TMOD1: variants seen among roughly 807,000 people sequenced by gnomAD.
TMOD1 encodes tropomodulin 1.
Under a neutral mutation model 40.6 loss-of-function variants are expected in TMOD1, and 17 were observed. That is an observed-to-expected ratio of 0.42 (90% CI 0.29 to 0.63). The LOEUF is 0.63. Among genes scored for constraint, TMOD1 ranks in the 20% least tolerant of loss-of-function variants. The pLI, the probability that TMOD1 is intolerant of heterozygous loss-of-function variation, is 0.22. For missense variants in TMOD1, 391 were observed against 447.6 expected (o/e 0.87, Z 1.14); for synonymous variants, 181 against 175.0 (o/e 1.03, Z -0.27).
chr9:97,523,325 C>T (rs967407062), intron 1 of TMOD1, among the ~76,000 whole-genome samples: 5 of 152,130 alleles, frequency 3.3e-5, no homozygotes, highest in African/African-American at 1.2e-4. Flanking sequence ...AGAGGTGAAC[C>T]CTGGTCCCCA....
At chr9:97,572,453 G>A (rs1046670148) in intron 8 of TMOD1, among the ~76,000 whole-genome samples, 2 of 152,140 alleles carry the variant, frequency 1.3e-5, no homozygotes, top group African/African-American at 4.8e-5. Context: ...GGACCAGGGG[G>A]CTGTGGGGAG....
Position 97,601,161 on chromosome 9 carries a change from C to T in TMOD1, c.*1463C>T, listed in dbSNP as rs1465325722. ...GAGTGGCACCATGTTGCAGGGACAA[C>T]CATCCCCATTTGGCTTCTCCTTAAA... On this transcript the variant is annotated 3_prime_UTR_variant, in exon 10 of 10. Transcript: ENST00000259365. 2.9e-5 allele frequency: 38 copies of T among 1,301,786 alleles called. No individual in the cohort carries two copies. Among genetic ancestry groups the T allele is most frequent in the Non-Finnish European group, 3.8e-5 (38 of 988,046 alleles). The allele number at this position is 1,301,786 out of a possible 1,614,324, so 80.6% of individuals were successfully genotyped here.
intron 3 of TMOD1, among the ~76,000 whole-genome samples, chr9:97,546,650 TA>T (rs917280290): frequency 8.9e-4 from 136 of 152,084 alleles, no homozygotes; most frequent in African/African-American, 3.2e-3. Flanking sequence ...GTTTTGAGAG[TA>T]AAAGAAGAAA....
chr9:97,565,207 G>C (rs1830708452), intron 6 of TMOD1, among the ~76,000 whole-genome samples: 1 of 152,202 alleles, frequency 6.6e-6, no homozygotes, highest in Admixed American at 6.5e-5. Context: ...TTTCTCCTCT[G>C]CACTGTGAGC....
In TMOD1 at chr9:97,513,998, A is replaced by C; in HGVS notation, c.-48-10143A>C. ...CTGGAAACAGGTTGTACACCTGTGCAGGTGCACAGAGCCCTGCTTTCAGAG... is the reference window on the plus strand; with the variant it reads ...CTGGAAACAGGTTGTACACCTGTGCCGGTGCACAGAGCCCTGCTTTCAGAG... On this transcript the variant is annotated intron_variant, in intron 1 of 9. Transcript: ENST00000259365. This position sits in a 1 kb window ranked among gnomAD's most constrained non-coding sequence, Gnocchi z 4.1. The C allele has an allele frequency of 6.6e-6, 1 of 152,252 alleles. No individual in the cohort carries two copies. Among genetic ancestry groups the C allele is most frequent in the Non-Finnish European group, 1.5e-5 (1 of 68,088 alleles). The allele number at this position is 152,252 out of a possible 1,614,324, so 9.4% of individuals were successfully genotyped here.
intron 8 of TMOD1, among the ~76,000 whole-genome samples, chr9:97,574,487 C>T (rs1433879365): frequency 6.6e-6 from 1 of 152,230 alleles, no homozygotes; most frequent in Admixed American, 6.5e-5. Context: ...GCGGCCCGAA[C>T]CTCCCCGACA....
At chr9:97,504,184 T>A (rs1183019191) in intron 1 of TMOD1, among the ~76,000 whole-genome samples, 1 of 152,142 alleles carries the variant, frequency 6.6e-6, no homozygotes, top group Non-Finnish European at 1.5e-5. Context: ...CCCCATTTCA[T>A]AGGGGCTGCT....
At chr9:97,511,776 G>C (rs1348662669) in intron 1 of TMOD1, among the ~76,000 whole-genome samples, 1 of 152,122 alleles carries the variant, frequency 6.6e-6, no homozygotes, top group Non-Finnish European at 1.5e-5. Flanking sequence ...GTAGAGACAA[G>C]GTCTCACCGT....
At chr9:97,562,962 G>C in intron 5 of TMOD1, 141 bp downstream of exon 5, 1 of 622,352 alleles carries the variant, frequency 1.6e-6, no homozygotes, top group Non-Finnish European at 2.7e-6. Context: ...CCTGGGATTT[G>C]TGTCTTGTTT....
At chr9:97,574,322 C>T (rs933886763) in intron 8 of TMOD1, among the ~76,000 whole-genome samples, 6 of 151,996 alleles carry the variant, frequency 3.9e-5, no homozygotes, top group South Asian at 2.1e-4. Flanking sequence ...AGCGGCCGGC[C>T]GACCCCGCCG....
intron 1 of TMOD1, among the ~76,000 whole-genome samples, chr9:97,506,502 A>G (rs978079615): frequency 6.6e-6 from 1 of 152,214 alleles, no homozygotes; most frequent in African/African-American, 2.4e-5. Flanking sequence ...CATTTACAGC[A>G]TGTTCTCCTA....
At chr9:97,542,095 A>G (rs1460898353) in intron 2 of TMOD1, among the ~76,000 whole-genome samples, 2 of 152,148 alleles carry the variant, frequency 1.3e-5, no homozygotes, top group Non-Finnish European at 2.9e-5. Context: ...TTTCTTCCAA[A>G]TGTTTTATAG....
At chr9:97,568,773 G>A in intron 7 of TMOD1, 121 bp from the exon 8 acceptor site, 1 of 1,186,910 alleles carries the variant, frequency 8.4e-7, no homozygotes, top group Non-Finnish European at 1.2e-6. Context: ...GTTGTGCTTG[G>A]TGAAGGACAT....
At chr9:97,572,900 C>CAAG (rs1322596967) in intron 8 of TMOD1, among the ~76,000 whole-genome samples, 6 of 152,174 alleles carry the variant, frequency 3.9e-5, no homozygotes, top group Non-Finnish European at 8.8e-5. Flanking sequence ...GTTCTGTTGC[C>CAAG]ACCTGTGGTT....
At chr9:97,555,453 A>C (rs1440371756) in intron 4 of TMOD1, 2 of 1,421,408 alleles carry the variant, frequency 1.4e-6, no homozygotes, top group African/African-American at 2.9e-5. Flanking sequence ...TCAGAGCTGC[A>C]ACTCTGTGCT....
At chr9:97,589,379 C>T (rs1339937473) in intron 8 of TMOD1, among the ~76,000 whole-genome samples, 3 of 146,636 alleles carry the variant, frequency 2.0e-5, no homozygotes, top group African/African-American at 7.5e-5. Flanking sequence ...CTCCCGGGTT[C>T]TCCTGCCTCA....
At chr9:97,593,469 T>C (rs1826040889) in intron 9 of TMOD1, among the ~76,000 whole-genome samples, 1 of 151,712 alleles carries the variant, frequency 6.6e-6, no homozygotes, top group African/African-American at 2.4e-5. Flanking sequence ...GGGTAGGGGG[T>C]CTAGGCAGCA....
intron 8 of TMOD1, among the ~76,000 whole-genome samples, chr9:97,589,687 G>T (rs145724576): frequency 6.6e-6 from 1 of 152,102 alleles, no homozygotes; most frequent in East Asian, 1.9e-4. Flanking sequence ...TTTGCAGTCT[G>T]GAAGCATTTT....
chr9:97,556,516 C>A (rs867394629), intron 4 of TMOD1, among the ~76,000 whole-genome samples: 4 of 152,130 alleles, frequency 2.6e-5, no homozygotes, highest in African/African-American at 9.7e-5. Context: ...GCGTCCAGGT[C>A]ACCTGTAGTT....
Sources: allele counts gnomAD v4.1 joint callset (sites outside exome capture counted in the v4.1 genomes callset), GRCh38; gene constraint gnomAD v4.1.1; non-coding constraint Gnocchi (gnomAD v3.1); transcripts MANE v1.5; gene names NCBI Gene and HGNC (gene_info 2026-07-23, HGNC 2026-07-21).